The following PRMT8 variants were observed in gnomAD, a reference collection of about 807,000 sequenced individuals.
The protein encoded by PRMT8 is protein arginine N-methyltransferase 8.
Under a neutral mutation model 47.1 loss-of-function variants are expected in PRMT8, and 7 were observed. The ratio of observed to expected loss-of-function variants is 0.15; its 90% CI spans 0.08 to 0.28. The LOEUF (loss-of-function observed/expected upper bound fraction) is 0.28, where lower values mean the gene tolerates loss of function less well. Ranked by LOEUF, PRMT8 falls within the 10% of genes least tolerant of loss-of-function variation. PRMT8 has a pLI of 1.00. For synonymous variants in PRMT8, 188 were observed against 186.5 expected, an observed-to-expected ratio of 1.01 and a Z score of -0.07; for missense variants, 237 against 505.4, an observed-to-expected ratio of 0.47 and a Z score of 5.09.
chr12:3,491,749 G>C (rs200934500), intron 1 of PRMT8, 49 bp downstream of exon 1: 64,040 of 1,530,172 alleles, frequency 0.042, 2,000 homozygotes, highest in Non-Finnish European at 0.047. Context: ...CCGCCCACCC[G>C]GACCACCGCG....
chr12:3,553,797 G>A (rs1385324217), intron 4 of PRMT8, 83 bp downstream of exon 4: 2 of 1,300,710 alleles, frequency 1.5e-6, no homozygotes, highest in Non-Finnish European at 2.2e-6. Context: ...ATAGCGGGAG[G>A]AGCGCAGAGC....
chr12:3,464,711 C>G (rs1865074368), intron 1 of PRMT8, among the ~76,000 whole-genome samples: 1 of 152,336 alleles, frequency 6.6e-6, no homozygotes, highest in South Asian at 2.1e-4. Context: ...AGCTTGGATA[C>G]TGACTAATCA....
intron 1 of PRMT8, among the ~76,000 whole-genome samples, chr12:3,445,067 T>A (rs1456053174): frequency 1.3e-5 from 2 of 152,240 alleles, no homozygotes; most frequent in African/African-American, 2.4e-5. Context: ...AAAGGTTATT[T>A]GGAGCTGTGG....
chr12:3,425,726 C>T (rs192831658), intron 1 of PRMT8, among the ~76,000 whole-genome samples: 7 of 152,232 alleles, frequency 4.6e-5, no homozygotes, highest in Admixed American at 6.5e-5. Context: ...TGTCGAAAGG[C>T]GAGCTTCTCT....
intron 1 of PRMT8, among the ~76,000 whole-genome samples, chr12:3,532,823 T>C (rs1352243118): frequency 6.6e-6 from 1 of 152,104 alleles, no homozygotes; most frequent in Non-Finnish European, 1.5e-5. Context: ...TTGGTTTCTG[T>C]CCTTCAAGGC....
At chr12:3,477,120 G>A (rs114083598) in intron 1 of PRMT8, among the ~76,000 whole-genome samples, 1,570 of 152,276 alleles carry the variant, frequency 0.01, 29 homozygotes, top group African/African-American at 0.036. Context: ...ACCAACTGAC[G>A]CTCTTGAAAC....
At chr12:3,515,093 T>C (rs181223962) in intron 1 of PRMT8, among the ~76,000 whole-genome samples, 78 of 152,348 alleles carry the variant, frequency 5.1e-4, no homozygotes, top group Non-Finnish European at 9.3e-4. Context: ...ACAGGGAAAC[T>C]AAGACACAAA....
chr12:3,477,515 T>C (rs541664587), intron 1 of PRMT8, among the ~76,000 whole-genome samples: 2 of 152,350 alleles, frequency 1.3e-5, no homozygotes, highest in Admixed American at 1.3e-4. Flanking sequence ...TGTAGTCTTA[T>C]TGACGTTGAG....
In PRMT8 at chr12:3,569,329, G is replaced by C. The variant is rs1009735829; in HGVS notation, c.625-148G>C. 5.5e-6 allele frequency: 4 copies of C among 733,202 alleles called. No individual in the cohort carries two copies. The highest frequency in any genetic ancestry group is 9.8e-6 in the Non-Finnish European group (4 of 407,162). The allele number at this position is 733,202 out of a possible 1,614,324, so 45.4% of individuals were successfully genotyped here. ...ATAAAAATTGAGCACTGCTGTCCTA[G>C]CCCTCACCCCAGACAAGGTGACAGT... is the stretch of plus-strand genomic sequence containing the variant. On this transcript the variant is annotated intron_variant, in intron 5 of 9. Coordinates refer to ENST00000382622, the MANE Select transcript of PRMT8 (RefSeq NM_019854.5). This position sits in a 1 kb window ranked among gnomAD's most constrained non-coding sequence, Gnocchi z 8.2.
chr12:3,474,657 C>G (rs1865192631), intron 1 of PRMT8, among the ~76,000 whole-genome samples: 1 of 152,138 alleles, frequency 6.6e-6, no homozygotes, highest in Non-Finnish European at 1.5e-5. Context: ...TCAGGAATGA[C>G]CTGCTGGAAG....
chr12:3,563,831 T>A (rs1866674915), intron 4 of PRMT8, among the ~76,000 whole-genome samples: 1 of 152,146 alleles, frequency 6.6e-6, no homozygotes. Flanking sequence ...TGAAGTAACA[T>A]ACGGAAAATC....
intron 1 of PRMT8, among the ~76,000 whole-genome samples, chr12:3,455,009 C>A (rs1591554649): frequency 6.6e-6 from 1 of 152,300 alleles, no homozygotes; most frequent in Middle Eastern, 3.4e-3. Context: ...TTACCCCAAC[C>A]AATCAACAGC....
At chr12:3,539,702 G>T (rs1866185080) in intron 1 of PRMT8, among the ~76,000 whole-genome samples, 1 of 152,180 alleles carries the variant, frequency 6.6e-6, no homozygotes. Flanking sequence ...GCTCCGCCTA[G>T]CCTGTGGAGG....
intron 1 of PRMT8, among the ~76,000 whole-genome samples, chr12:3,461,688 T>TGGGA (rs1865043469): frequency 4.3e-4 from 66 of 152,118 alleles, no homozygotes; most frequent in African/African-American, 1.4e-3. Context: ...GAGTCCAAGC[T>TGGGA]TCAGACAGAG....
At chr12:3,397,448 A>C (rs973652832) in intron 1 of PRMT8, among the ~76,000 whole-genome samples, 1 of 150,652 alleles carries the variant, frequency 6.6e-6, no homozygotes, top group Non-Finnish European at 1.5e-5. Context: ...CCTCAGCTGC[A>C]GGTCTGTTGG....
intron 1 of PRMT8, among the ~76,000 whole-genome samples, chr12:3,442,571 G>A (rs957961387): frequency 6.6e-6 from 1 of 152,208 alleles, no homozygotes; most frequent in Non-Finnish European, 1.5e-5. Context: ...AGAGAATGGG[G>A]TACCAGGGCT....
intron 1 of PRMT8, among the ~76,000 whole-genome samples, chr12:3,481,274 C>A (rs532136094): frequency 6.6e-6 from 1 of 152,158 alleles, no homozygotes; most frequent in East Asian, 1.9e-4. Context: ...ATGGATTGAC[C>A]TTTATGGGCA....
intron 1 of PRMT8, among the ~76,000 whole-genome samples, chr12:3,399,719 A>G (rs1410675221): frequency 6.6e-6 from 1 of 152,234 alleles, no homozygotes; most frequent in Non-Finnish European, 1.5e-5. Flanking sequence ...ACGTAGGCTT[A>G]TTATCTACAT....
intron 1 of PRMT8, among the ~76,000 whole-genome samples, chr12:3,513,396 T>C (rs1865742305): frequency 6.6e-6 from 1 of 152,200 alleles, no homozygotes; most frequent in Non-Finnish European, 1.5e-5. Context: ...CCTTATATTT[T>C]GGCTTGAACA....
Sources: allele counts gnomAD v4.1 joint callset (sites outside exome capture counted in the v4.1 genomes callset), GRCh38; gene constraint gnomAD v4.1.1; non-coding constraint Gnocchi (gnomAD v3.1); transcripts MANE v1.5; gene names NCBI Gene and HGNC (gene_info 2026-07-23, HGNC 2026-07-21).